Variants in ACADVL observed in about 807,000 individuals in gnomAD.
The protein encoded by ACADVL is very long-chain acyl-CoA dehydrogenase, mitochondrial.
ACADVL carries 73 observed loss-of-function variants against 80.4 expected under a neutral mutation model. The ratio of observed to expected loss-of-function variants is 0.91; its 90% CI spans 0.75 to 1.10. ACADVL has a LOEUF of 1.10. Among genes scored for constraint, ACADVL ranks in the 50% least tolerant of loss-of-function variants. ACADVL has a pLI of 0.00. For synonymous variants in ACADVL, 392 were observed against 326.5 expected (o/e 1.20, Z -2.16); for missense variants, 878 against 858.9 (o/e 1.02, Z -0.28).
Position 7,221,679 on chromosome 17 carries a change from T to C in ACADVL, c.619T>C (p.Ser207Pro), listed in dbSNP as rs768975918. Residue 207 changes from serine (S) to proline (P), a missense_variant, in exon 7 of 20, where the codon TCT becomes CCT. Ser to Pro is a moderately conservative substitution (Grantham distance 74). Transcript: ENST00000356839. ...AGAAAAATACCTCCCCAAGCTGGCATCTGGTGAGGCAACCCTAGGAGAGCC... is the reference window on the plus strand; with the variant it reads ...AGAAAAATACCTCCCCAAGCTGGCACCTGGTGAGGCAACCCTAGGAGAGCC... ...QKEKYLPKLA[S>P]GETVAAFCLT... is the part of the protein sequence containing the mutation. The C allele has an allele frequency of 3.7e-6, 6 of 1,613,792 alleles. No homozygotes were observed. The East Asian group carries it at 1.1e-4, about 30-fold the overall frequency.
upstream of ACADVL, chr17:7,219,812 G>C: frequency 6.5e-7 from 1 of 1,528,670 alleles, no homozygotes; most frequent in Non-Finnish European, 8.8e-7. Flanking sequence ...TCAGCGGAAC[G>C]CAGGGCCGGG....
chr17:7,222,375 A>G, intron 9 of ACADVL, 73 bp downstream of exon 9: 1 of 1,584,388 alleles, frequency 6.3e-7, no homozygotes. Context: ...GGCTGTTGCA[A>G]GTCACCCTGG....
rs1460246415 is a variant in ACADVL, at chr17:7,220,987, C to G, written c.406C>G (p.Leu136Val). 1 of 1,614,044 alleles carries G rather than the reference C, an allele frequency of 6.2e-7. No individual in the cohort carries two copies. Among genetic ancestry groups the G allele is most frequent in the Non-Finnish European group, 8.5e-7 (1 of 1,180,024 alleles). Reference protein sequence around the residue: ...EMVEETTWQGLKELGAFGLQV... With the variant: ...EMVEETTWQGVKELGAFGLQV... ...GGTGGAGGAGACCACTTGGCAGGGC[C>G]TCAAGGAGCTGGGGGCCTTTGGTCT... Residue 136 changes from leucine to valine, a missense_variant, in exon 6 of 20, where the codon CTC becomes GTC. Leu to Val is a conservative substitution (Grantham distance 32, BLOSUM62 1). Coordinates refer to ENST00000356839, the MANE Select transcript of ACADVL (RefSeq NM_000018.4).
At position 7,221,860 on chromosome 17, in the gene ACADVL, G is replaced by C. The variant is rs537585360; in HGVS notation, c.623-92G>C. The C allele has an allele frequency of 9.3e-6, 15 of 1,606,006 alleles. No homozygotes were observed. In the Admixed American group the frequency reaches 1.0e-4, roughly 11 times the overall value. Reference sequence around the variant, plus strand: ...AGAACTGGATACTCCCAGGTGTTAAGGGGGAACTGCCTGCTGGAGGGATGG... The same window carrying C: ...AGAACTGGATACTCCCAGGTGTTAACGGGGAACTGCCTGCTGGAGGGATGG... On this transcript the variant is annotated intron_variant, in intron 7 of 19. Coordinates refer to ENST00000356839, the MANE Select transcript of ACADVL (RefSeq NM_000018.4).
chr17:7,218,225 G>A (rs764063261), upstream of ACADVL: 11 of 1,603,818 alleles, frequency 6.9e-6, no homozygotes, highest in East Asian at 4.5e-5. Context: ...TTAGGCGCTC[G>A]CCCCCACCTC....
chr17:7,221,787 G>T, intron 7 of ACADVL, 105 bp downstream of exon 7: 1 of 1,599,024 alleles, frequency 6.3e-7, no homozygotes, highest in Non-Finnish European at 8.5e-7. Context: ...TTTCAGTTGG[G>T]GGAAGGTTTT....
Position 7,222,751 on chromosome 17 carries a change from C to T in ACADVL, c.963C>T (p.Asn321=), listed in dbSNP as rs568118142. The part of the protein sequence containing the change: ...FFDGVRVPSE[N]VLGEVGSGFK... The stretch of plus-strand genomic sequence containing the variant: ...ATGGAGTACGGGTGCCATCGGAGAA[C>T]GTGCTGGGTGAGGTTGGGAGTGGCT... Residue 321 remains asparagine (N), a synonymous_variant, in exon 10 of 20, where the codon AAC becomes AAT. Transcript: ENST00000356839. 618 of 1,614,080 alleles carry T rather than the reference C, an allele frequency of 3.8e-4. 4 individuals are homozygous for T. The South Asian group carries it at 5.8e-3, about 15-fold the overall frequency.
chr17:7,217,898 G>T, upstream of ACADVL: 2 of 1,380,164 alleles, frequency 1.4e-6, no homozygotes. Flanking sequence ...CGGGAGGGAG[G>T]CCTCTCGGCA....
chr17:7,224,422 G>C, intron 16 of ACADVL, 29 bp downstream of exon 16: 2 of 1,613,818 alleles, frequency 1.2e-6, no homozygotes, highest in Non-Finnish European at 1.7e-6. Context: ...AGGAGAGCCT[G>C]CATCAGGGAC....
chr17:7,224,679 C>G lies in ACADVL; in HGVS notation c.1716C>G (p.Ala572=). The change falls in exon 18 of 20, where the codon GCC becomes GCG. Residue 572 remains alanine (A), a synonymous_variant. Coordinates refer to ENST00000356839, the MANE Select transcript of ACADVL (RefSeq NM_000018.4). The part of the protein sequence containing the change: ...QFLLQRLADG[A]IDLYAMVVVL... ...TGCTGCAGCGGCTGGCAGACGGGGCCATCGACCTCTATGCCATGGTGGTGG... is the reference window on the plus strand; with the variant it reads ...TGCTGCAGCGGCTGGCAGACGGGGCGATCGACCTCTATGCCATGGTGGTGG... 2.6e-6 allele frequency: 4 copies of G among 1,565,590 alleles called. No individual in the cohort carries two copies. Among genetic ancestry groups the G allele is most frequent in the Non-Finnish European group, 3.5e-6 (4 of 1,155,772 alleles).
chr17:7,220,756 C>G lies in ACADVL; in HGVS notation c.278-10C>G. 1 of 1,614,174 alleles carries G rather than the reference C, an allele frequency of 6.2e-7. No homozygotes were observed. Among genetic ancestry groups the G allele is most frequent in the Non-Finnish European group, 8.5e-7 (1 of 1,180,034 alleles). On this transcript the variant is annotated splice_polypyrimidine_tract_variant and intron_variant, in intron 4 of 19. Coordinates refer to ENST00000356839, the MANE Select transcript of ACADVL (RefSeq NM_000018.4). ...CCTGGCCTGACCAGCCTGTCCCCCA[C>G]CCTCTGCAGTGCTCAACGAAGAGCA...
upstream of ACADVL, chr17:7,219,342 A>C: frequency 1.1e-6 from 1 of 944,100 alleles, no homozygotes; most frequent in Non-Finnish European, 1.3e-6. Context: ...ACAGAAGGGA[A>C]TGTTCAGGAA....
upstream of ACADVL, chr17:7,219,790 G>T (rs1314338317): frequency 5.3e-6 from 8 of 1,505,620 alleles, no homozygotes; most frequent in African/African-American, 1.1e-4. Flanking sequence ...GACGCTTGGA[G>T]ATCCCTCTAA....
At position 7,225,036 on chromosome 17, in the gene ACADVL, G is replaced by A; in HGVS notation, c.1907G>A (p.Ser636Asn). The A allele has an allele frequency of 1.9e-6, 3 of 1,614,130 alleles. No homozygotes were observed. The highest frequency in any genetic ancestry group is 2.5e-6 in the Non-Finnish European group (3 of 1,180,042). Residue 636 changes from serine (S) to asparagine (N), a missense_variant, in exon 20 of 20, where the codon AGC becomes AAC. Ser to Asn is a conservative substitution (Grantham distance 46). Transcript: ENST00000356839. ...WQQELYRNFKSISKALVERGG... is the reference protein window; with the variant it reads ...WQQELYRNFKNISKALVERGG... ...CAAGAGCTCTACCGCAACTTCAAAA[G>A]CATCTCCAAGGCCTTGGTGGAGCGG...
At chr17:7,217,890 G>A (rs2071007129), upstream of ACADVL, 3 of 1,427,306 alleles carry the variant, frequency 2.1e-6, no homozygotes, top group Non-Finnish European at 2.9e-6. Context: ...TTTGAATACG[G>A]GAGGGAGGCC....
Position 7,220,598 on chromosome 17 carries a change from G to C in ACADVL, c.205-6G>C, listed in dbSNP as rs1245181852. ...AGAGCCCTGAAATTTGCCTCTCTCTGCCCAGGAATCTAAGTCCTTTGCTGT... is the reference window on the plus strand; with the variant it reads ...AGAGCCCTGAAATTTGCCTCTCTCTCCCCAGGAATCTAAGTCCTTTGCTGT... On this transcript the variant is annotated splice_region_variant and splice_polypyrimidine_tract_variant and intron_variant, in intron 3 of 19. Transcript: ENST00000356839. The C allele has an allele frequency of 1.2e-6, 2 of 1,614,070 alleles. No homozygotes were observed. Among genetic ancestry groups the C allele is most frequent in the African/African-American group, 2.7e-5 (2 of 74,914 alleles).
chr17:7,217,688 G>A, upstream of ACADVL: 1 of 1,525,884 alleles, frequency 6.6e-7, no homozygotes, highest in African/African-American at 1.4e-5. Flanking sequence ...GGGTGCCTTG[G>A]CAGAGTTAAC....
chr17:7,219,680 T>G (rs773972425), upstream of ACADVL: 84 of 1,342,220 alleles, frequency 6.3e-5, no homozygotes, highest in Non-Finnish European at 7.5e-5. Context: ...TGCAGTGACT[T>G]AAGCCCCTTC....
At chr17:7,222,994 CTAGCT>C in intron 10 of ACADVL, 129 bp downstream of exon 10, 1 of 1,445,752 alleles carries the variant, frequency 6.9e-7, no homozygotes, top group South Asian at 1.2e-5. Flanking sequence ...GCCCGACTTG[CTAGCT>C]TAGGTCTCCA....
Sources: allele counts gnomAD v4.1 joint callset, GRCh38; gene constraint gnomAD v4.1.1; transcripts MANE v1.5; gene names NCBI Gene and HGNC (gene_info 2026-07-23, HGNC 2026-07-21).